The following FAM135B variants were observed in gnomAD, a reference collection of about 807,000 sequenced individuals.
FAM135B encodes protein FAM135B.
A neutral mutation model predicts 127.7 loss-of-function variants in FAM135B; 43 were observed. The ratio of observed to expected loss-of-function variants is 0.34; its 90% confidence interval spans 0.26 to 0.43. The LOEUF is 0.43. Ranked by LOEUF, FAM135B falls within the 20% of genes least tolerant of loss-of-function variation. FAM135B has a pLI of 1.00. For synonymous variants in FAM135B, 670 were observed against 665.1 expected (o/e 1.01, Z -0.11); for missense variants, 1,558 against 1,725.6 (o/e 0.90, Z 1.72).
intron 1 of FAM135B, among the ~76,000 whole-genome samples, chr8:138,475,638 G>A (rs1217692730): frequency 6.6e-6 from 1 of 152,028 alleles, no homozygotes; most frequent in African/African-American, 2.4e-5. Flanking sequence ...CTCAATATCC[G>A]CTGCCTCTGC....
intron 3 of FAM135B, among the ~76,000 whole-genome samples, chr8:138,282,583 C>G (rs963680804): frequency 1.3e-5 from 2 of 152,142 alleles, no homozygotes; most frequent in Admixed American, 6.6e-5. Context: ...AAAGGTTATT[C>G]CACATCATAT....
intron 9 of FAM135B, among the ~76,000 whole-genome samples, chr8:138,182,808 C>T (rs975321488): frequency 6.6e-6 from 1 of 152,196 alleles, no homozygotes; most frequent in African/African-American, 2.4e-5. Context: ...ATTATGGTTG[C>T]CCATCGGAAT....
chr8:138,348,346 G>A (rs1369675604), intron 2 of FAM135B, among the ~76,000 whole-genome samples: 1 of 151,894 alleles, frequency 6.6e-6, no homozygotes, highest in South Asian at 2.1e-4. Context: ...TGTTGGGCAG[G>A]CTGGTCTCGA....
At chr8:138,276,803 G>A (rs1178454091) in intron 3 of FAM135B, among the ~76,000 whole-genome samples, 2 of 152,076 alleles carry the variant, frequency 1.3e-5, no homozygotes, top group Non-Finnish European at 2.9e-5. Context: ...AGCACAGAGA[G>A]TACCTAGTCC....
chr8:138,232,818 C>T (rs1239669214), intron 7 of FAM135B, among the ~76,000 whole-genome samples: 1 of 151,992 alleles, frequency 6.6e-6, no homozygotes, highest in East Asian at 1.9e-4. Flanking sequence ...TGAAATCTAT[C>T]CTCTTAACAA....
intron 3 of FAM135B, among the ~76,000 whole-genome samples, chr8:138,274,706 C>G (rs925990783): frequency 3.9e-5 from 6 of 152,118 alleles, no homozygotes; most frequent in Admixed American, 3.9e-4. Context: ...CAGAGACCTA[C>G]CCCCAGCTGC....
chr8:138,423,375 T>C (rs763530902), intron 1 of FAM135B, among the ~76,000 whole-genome samples: 1 of 152,126 alleles, frequency 6.6e-6, no homozygotes, highest in Non-Finnish European at 1.5e-5. Flanking sequence ...CATGGGTTCT[T>C]TTCTATTTTC....
chr8:138,384,418 A>G (rs1832059490), intron 1 of FAM135B, among the ~76,000 whole-genome samples: 1 of 151,958 alleles, frequency 6.6e-6, no homozygotes, highest in African/African-American at 2.4e-5. Context: ...TTGGGGGCCT[A>G]TTATGTGCCC....
chr8:138,274,208 C>G (rs530385314), intron 3 of FAM135B, among the ~76,000 whole-genome samples: 1 of 152,270 alleles, frequency 6.6e-6, no homozygotes, highest in South Asian at 2.1e-4. Context: ...AGGTTCTTTT[C>G]TATTTTCCTT....
chr8:138,182,841 C>G (rs1815197353), intron 9 of FAM135B, among the ~76,000 whole-genome samples: 1 of 152,220 alleles, frequency 6.6e-6, no homozygotes, highest in Non-Finnish European at 1.5e-5. Context: ...ATAAGTCCAC[C>G]AATGTCTGGG....
intron 1 of FAM135B, among the ~76,000 whole-genome samples, chr8:138,385,584 G>A (rs1249175611): frequency 6.6e-6 from 1 of 152,164 alleles, no homozygotes. Flanking sequence ...GCTGAGACAG[G>A]TGGATTGCTT....
At chr8:138,408,169 G>A (rs1044492784) in intron 1 of FAM135B, among the ~76,000 whole-genome samples, 1 of 152,190 alleles carries the variant, frequency 6.6e-6, no homozygotes, top group Non-Finnish European at 1.5e-5. Context: ...AGCCTTGGAA[G>A]CTTTGAAGCC....
At chr8:138,339,613 A>T (rs914781757) in intron 2 of FAM135B, among the ~76,000 whole-genome samples, 6 of 152,170 alleles carry the variant, frequency 3.9e-5, no homozygotes, top group Admixed American at 1.3e-4. Context: ...ACTGGGACAC[A>T]GATTGCATAT....
intron 1 of FAM135B, among the ~76,000 whole-genome samples, chr8:138,466,394 T>C (rs553594624): frequency 6.6e-6 from 1 of 152,190 alleles, no homozygotes; most frequent in African/African-American, 2.4e-5. Flanking sequence ...AAGATGAAAC[T>C]GGAAAACCCA....
At chr8:138,444,002 C>T (rs1269059823) in intron 1 of FAM135B, among the ~76,000 whole-genome samples, 1 of 152,070 alleles carries the variant, frequency 6.6e-6, no homozygotes, top group Non-Finnish European at 1.5e-5. Context: ...GGTTGCAATC[C>T]TAGTCTCTGA....
intron 4 of FAM135B, among the ~76,000 whole-genome samples, chr8:138,263,835 C>A (rs2130612152): frequency 6.6e-6 from 1 of 152,264 alleles, no homozygotes; most frequent in Middle Eastern, 3.4e-3. Flanking sequence ...TGTTGGGTAT[C>A]CACAGTGTAG....
chr8:138,256,649 C>G (rs754633547), intron 5 of FAM135B, 40 bp downstream of exon 5: 1 of 1,534,532 alleles, frequency 6.5e-7, no homozygotes, highest in African/African-American at 1.4e-5. Flanking sequence ...GGGAGGAGAG[C>G]ACTGTGCTAC....
At chr8:138,283,116 G>T (rs1824390136) in intron 3 of FAM135B, among the ~76,000 whole-genome samples, 2 of 152,022 alleles carry the variant, frequency 1.3e-5, no homozygotes, top group Non-Finnish European at 2.9e-5. Flanking sequence ...GGCCAGGATG[G>T]TCTCACTCTC....
intron 19 of FAM135B, among the ~76,000 whole-genome samples, chr8:138,133,618 A>G (rs2130500011): frequency 6.6e-6 from 1 of 152,312 alleles, no homozygotes; most frequent in South Asian, 2.1e-4. Context: ...GCTTCTGGGT[A>G]CCCACTCCAA....
Sources: gnomAD v4.1 joint callset for allele counts (sites outside exome capture counted in the v4.1 genomes callset) on GRCh38, gnomAD v4.1.1 for gene constraint, MANE v1.5 for transcripts, NCBI Gene and HGNC (gene_info 2026-07-23, HGNC 2026-07-21) for gene names.